GPR149: variants seen among roughly 807,000 people sequenced by gnomAD.
GPR149 encodes the protein probable G protein-coupled receptor 149.
A neutral mutation model predicts 50.2 loss-of-function variants in GPR149; 50 were observed. That is an observed-to-expected ratio of 1.00 (90% CI 0.79 to 1.26). GPR149 has a LOEUF of 1.26. Ranked by LOEUF, GPR149 falls within the 50% of genes most tolerant of loss-of-function variation. The pLI is 0.00. For synonymous variants in GPR149, 405 were observed against 358.2 expected (o/e 1.13, Z -1.48); for missense variants, 983 against 895.4 (o/e 1.10, Z -1.25).
At position 154,363,654 on chromosome 3, in the gene GPR149, C is replaced by A. The variant is rs1028954202; in HGVS notation, c.1624-25383G>T. Among the ~76,000 whole-genome samples the A allele has an allele frequency of 5.9e-5, 9 of 152,144 alleles. No individual in the cohort carries two copies. In the South Asian group the frequency reaches 1.9e-3, roughly 32 times the overall value. On this transcript the variant is annotated intron_variant, in intron 3 of 3. Transcript: ENST00000389740. Reference sequence around the variant, plus strand: ...CCAAGGGCAGTCTAAAACCTGAAAACCAAGCTGCCACTTCTGGATAGAGTC... The same window carrying A: ...CCAAGGGCAGTCTAAAACCTGAAAAACAAGCTGCCACTTCTGGATAGAGTC...
chr3:154,380,944 C>T (rs113133986), intron 3 of GPR149, among the ~76,000 whole-genome samples: 7,662 of 152,182 alleles, frequency 0.05, 266 homozygotes, highest in South Asian at 0.085. Context: ...ATGCTCAAAA[C>T]CAGTGTTTTC....
chr3:154,427,482 A>G, intron 2 of GPR149, 34 bp downstream of exon 2: 1 of 1,556,398 alleles, frequency 6.4e-7, no homozygotes, highest in Middle Eastern at 2.3e-4. Flanking sequence ...CCTAATGCAT[A>G]TTGCTGCCAA....
At chr3:154,370,292 T>C (rs1477105161) in intron 3 of GPR149, among the ~76,000 whole-genome samples, 1 of 152,066 alleles carries the variant, frequency 6.6e-6, no homozygotes, top group East Asian at 1.9e-4. Flanking sequence ...CTTGGTATTC[T>C]ATAACAGGGA....
chr3:154,343,699 G>C (rs1713856156), intron 3 of GPR149, among the ~76,000 whole-genome samples: 1 of 152,136 alleles, frequency 6.6e-6, no homozygotes, highest in Non-Finnish European at 1.5e-5. Context: ...GGGTGCGACT[G>C]TTCATCCCTG....
intron 3 of GPR149, among the ~76,000 whole-genome samples, chr3:154,369,683 T>G (rs139866524): frequency 0.02 from 3,120 of 152,348 alleles, 119 homozygotes; most frequent in African/African-American, 0.071. Flanking sequence ...CCCTTCTCAC[T>G]CTCAGATTTA....
chr3:154,340,944 A>G (rs1576895950), intron 3 of GPR149, among the ~76,000 whole-genome samples: 1 of 151,698 alleles, frequency 6.6e-6, no homozygotes, highest in African/African-American at 2.4e-5. Context: ...CTGGTCTCGA[A>G]CTCCTGACCT....
chr3:154,397,185 C>A (rs953078631), intron 3 of GPR149, among the ~76,000 whole-genome samples: 2 of 152,084 alleles, frequency 1.3e-5, no homozygotes, highest in African/African-American at 4.8e-5. Flanking sequence ...AACCAACTCT[C>A]AGGTGAGGTG....
intron 3 of GPR149, chr3:154,353,297 T>C: frequency 7.0e-7 from 1 of 1,422,720 alleles, no homozygotes; most frequent in Non-Finnish European, 9.9e-7. Context: ...GGTCAACCTG[T>C]TCATATCTGG....
At chr3:154,354,730 T>C (rs574967160) in intron 3 of GPR149, 2 of 652,844 alleles carry the variant, frequency 3.1e-6, no homozygotes, top group Non-Finnish European at 4.7e-6. Flanking sequence ...CCTGTCCTTC[T>C]TCTGGCTCTC....
Position 154,371,813 on chromosome 3 carries a change from C to T in GPR149, c.1624-33542G>A, listed in dbSNP as rs528692221. On this transcript the variant is annotated intron_variant, in intron 3 of 3. Coordinates refer to ENST00000389740, the MANE Select transcript of GPR149 (RefSeq NM_001038705.3). ...GAATATGTTTAACCAATGGATACCTCGGCTCCTCCCCTTTCTAGGCCCTGC... is the reference window on the plus strand; with the variant it reads ...GAATATGTTTAACCAATGGATACCTTGGCTCCTCCCCTTTCTAGGCCCTGC... 3.9e-5 allele frequency among the ~76,000 whole-genome samples: 6 copies of T among 152,288 alleles called. No homozygotes were observed. In the South Asian group the frequency reaches 6.2e-4, roughly 16 times the overall value.
At chr3:154,385,284 T>C (rs1456927011) in intron 3 of GPR149, among the ~76,000 whole-genome samples, 2 of 152,174 alleles carry the variant, frequency 1.3e-5, no homozygotes, top group Admixed American at 6.5e-5. Context: ...TGCGAATTCT[T>C]TGGAGATGGA....
chr3:154,386,420 G>T (rs1460837237), intron 3 of GPR149, among the ~76,000 whole-genome samples: 1 of 152,204 alleles, frequency 6.6e-6, no homozygotes, highest in Non-Finnish European at 1.5e-5. Flanking sequence ...GATGTCAAGG[G>T]CATACTCTGT....
At chr3:154,340,565 A>G (rs1013838172) in intron 3 of GPR149, among the ~76,000 whole-genome samples, 3 of 152,250 alleles carry the variant, frequency 2.0e-5, no homozygotes, top group Non-Finnish European at 4.4e-5. Context: ...GATTGGATGT[A>G]AATAAACAAA....
At chr3:154,339,776 CTTCTTTTT>C (rs1713744995) in intron 3 of GPR149, among the ~76,000 whole-genome samples, 1 of 125,316 alleles carries the variant, frequency 8.0e-6, no homozygotes, top group Non-Finnish European at 1.6e-5. Flanking sequence ...TCATGCTCTA[CTTCTTTTT>C]TTTTTTTTTT....
chr3:154,428,889 G>C lies in GPR149; in HGVS notation c.727C>G (p.Pro243Ala). The C allele has an allele frequency of 1.2e-6, 2 of 1,614,066 alleles. No individual in the cohort carries two copies. The highest frequency in any genetic ancestry group is 2.2e-5 in the East Asian group (1 of 44,864). The change falls in exon 1 of 4, where the codon CCT (proline) becomes GCT (alanine). Residue 243 changes from proline to alanine, a missense_variant. Transcript: ENST00000389740. ...SRGASIPGTP[P>A]TAGRVVSLSP... is the part of the protein sequence containing the mutation. ...AGGGAAACCACTCTCCCCGCAGTAG[G>C]AGGGGTCCCAGGAATTGAAGCTCCA...
intron 3 of GPR149, among the ~76,000 whole-genome samples, chr3:154,391,264 A>G (rs191923302): frequency 5.3e-4 from 81 of 152,052 alleles, no homozygotes; most frequent in African/African-American, 1.9e-3. Flanking sequence ...TTGATACACA[A>G]TATAAAAAGA....
At chr3:154,369,816 G>A (rs1303925664) in intron 3 of GPR149, among the ~76,000 whole-genome samples, 3 of 152,216 alleles carry the variant, frequency 2.0e-5, no homozygotes, top group Non-Finnish European at 2.9e-5. Context: ...TTCTTGATCA[G>A]ACCTTAAGTC....
At chr3:154,394,113 T>A (rs1715234626) in intron 3 of GPR149, among the ~76,000 whole-genome samples, 1 of 151,980 alleles carries the variant, frequency 6.6e-6, no homozygotes, top group Non-Finnish European at 1.5e-5. Context: ...CAAAACAATT[T>A]TAAGAAGGAA....
chr3:154,418,721 C>T (rs999860598), intron 3 of GPR149, among the ~76,000 whole-genome samples: 4 of 149,112 alleles, frequency 2.7e-5, no homozygotes, highest in East Asian at 2.0e-4. Context: ...TGCTAGATGA[C>T]GAGTTAGTGG....
Sources: allele counts gnomAD v4.1 joint callset (sites outside exome capture counted in the v4.1 genomes callset), GRCh38; gene constraint gnomAD v4.1.1; transcripts MANE v1.5; gene names NCBI Gene and HGNC (gene_info 2026-07-23, HGNC 2026-07-21).